The following CD200 variants were observed in gnomAD, a reference collection of about 807,000 sequenced individuals.
CD200 encodes CD200 molecule.
Under a neutral mutation model 30.9 loss-of-function variants are expected in CD200, and 15 were observed. The observed-to-expected ratio is 0.49, with a 90% confidence interval of 0.32 to 0.75. CD200 has a LOEUF of 0.75. Ranked by LOEUF, CD200 falls within the 30% of genes least tolerant of loss-of-function variation. The pLI, the probability that CD200 is intolerant of heterozygous loss-of-function variation, is 0.03. For missense variants in CD200, 262 were observed against 324.2 expected, an observed-to-expected ratio of 0.81 and a Z score of 1.47; for synonymous variants, 134 against 126.2, an observed-to-expected ratio of 1.06 and a Z score of -0.41.
At chr3:112,341,795 T>C (rs1273285154) in intron 2 of CD200, among the ~76,000 whole-genome samples, 1 of 152,202 alleles carries the variant, frequency 6.6e-6, no homozygotes, top group African/African-American at 2.4e-5. Flanking sequence ...GAGTTCCCTT[T>C]CACTCTGCCT....
chr3:112,345,134 C>T lies in CD200; in HGVS notation c.267C>T (p.Ala89=), dbSNP rs1192023319. 1 of 1,613,958 alleles carries T rather than the reference C, an allele frequency of 6.2e-7. No individual in the cohort carries two copies. Among genetic ancestry groups the T allele is most frequent in the Non-Finnish European group, 8.5e-7 (1 of 1,180,000 alleles). The change falls in exon 3 of 6, where the codon GCC becomes GCT. Residue 89 remains alanine, a synonymous_variant. Transcript: ENST00000315711. ...ACCATGGGGTGGTGATCCAGCCTGC[C>T]TATAAGGACAAGATAAACATTACCC... The part of the protein sequence containing the change: ...SENHGVVIQP[A]YKDKINITQL...
At position 112,349,838 on chromosome 3, in the gene CD200, T is replaced by A. The variant is rs141526201; in HGVS notation, c.802+19T>A. 4.2e-3 allele frequency: 6,565 copies of A among 1,580,238 alleles called. 27 individuals are homozygous for A. Among genetic ancestry groups the A allele is most frequent in the Middle Eastern group, 5.4e-3 (32 of 5,924 alleles). On this transcript the variant is annotated intron_variant, in intron 5 of 5. Coordinates refer to ENST00000315711, the MANE Select transcript of CD200 (RefSeq NM_005944.7). ...GACCGAGGTGAGTTGTCACAGGGAG[T>A]TCAAAAAATGACATAAATTAAATTT...
chr3:112,360,117 CA>C (rs1404193190), intron 5 of CD200, among the ~76,000 whole-genome samples: 1 of 152,084 alleles, frequency 6.6e-6, no homozygotes, highest in Non-Finnish European at 1.5e-5. Context: ...CACCTGAGGT[CA>C]GGAGTTCAAG....
chr3:112,357,660 C>T (rs2081653075), intron 5 of CD200, among the ~76,000 whole-genome samples: 1 of 152,120 alleles, frequency 6.6e-6, no homozygotes, highest in African/African-American at 2.4e-5. Context: ...TTCAGGTTAT[C>T]TGAATCTGTT....
chr3:112,335,983 C>T (rs774081724), intron 1 of CD200: 23 of 1,612,542 alleles, frequency 1.4e-5, no homozygotes, highest in Middle Eastern at 3.3e-4. Flanking sequence ...CTTACAGCTA[C>T]ACTCCTAGGA....
At position 112,342,410 on chromosome 3, in the gene CD200, TTTCTTTCTTTCTTTCTTTC is replaced by T. The variant is rs2081286065; in HGVS notation, c.94+1432_94+1450del. On this transcript the variant is annotated intron_variant, in intron 2 of 5. Coordinates refer to ENST00000315711, the MANE Select transcript of CD200 (RefSeq NM_005944.7). Reference sequence around the variant, plus strand: ...CTTTCTTTCTTTCTTTCTTTCTTTCTTTCTTTCTTTCTTTCTTTCTTCTCTCTCTTTCTATGAAATTTCA... The same window carrying T: ...CTTTCTTTCTTTCTTTCTTTCTTTCTTTCTCTCTCTTTCTATGAAATTTCA... 1.2e-4 allele frequency among the ~76,000 whole-genome samples: 9 copies of T among 73,178 alleles called. 1 individual carries two copies. The highest frequency in any genetic ancestry group is 4.7e-4 in the African/African-American group (9 of 19,126). The allele number at this position is 73,178 out of a possible 152,430, so 48.0% of individuals were successfully genotyped here. A position where few individuals can be genotyped will look rare whatever the true frequency, so the allele number is the denominator to read the frequency against.
At chr3:112,334,718 G>A (rs1317244) in intron 1 of CD200, among the ~76,000 whole-genome samples, 54,144 of 151,322 alleles carry the variant, frequency 0.36, 9,837 homozygotes, top group South Asian at 0.48. Flanking sequence ...CAGATTGGTC[G>A]TATTTTCAGT....
chr3:112,344,915 T>C (rs767794409), intron 2 of CD200, 47 bp from the exon 3 acceptor site: 2 of 1,317,440 alleles, frequency 1.5e-6, no homozygotes, highest in Admixed American at 4.3e-5. Flanking sequence ...AAAAAGTGTA[T>C]GTGTGTTACA....
intron 2 of CD200, among the ~76,000 whole-genome samples, chr3:112,342,660 T>G (rs1397768199): frequency 6.6e-6 from 1 of 151,948 alleles, no homozygotes. Flanking sequence ...TGACCTCAAG[T>G]CATCCACTCG....
At chr3:112,333,311 CGG>C (rs2108411717) in intron 1 of CD200, 87 bp downstream of exon 1, 1 of 1,497,592 alleles carries the variant, frequency 6.7e-7, no homozygotes, top group Admixed American at 2.2e-5. Flanking sequence ...GTGGAAGGCG[CGG>C]AGCTTCGGCT....
At chr3:112,351,750 A>T (rs1362094857) in intron 5 of CD200, among the ~76,000 whole-genome samples, 1 of 152,184 alleles carries the variant, frequency 6.6e-6, no homozygotes, top group African/African-American at 2.4e-5. Context: ...TGGGTAATTC[A>T]TAAAGAAAAG....
chr3:112,350,845 T>C (rs1241727891), intron 5 of CD200, among the ~76,000 whole-genome samples: 1 of 152,214 alleles, frequency 6.6e-6, no homozygotes, highest in Non-Finnish European at 1.5e-5. Context: ...TATGTTTTTG[T>C]TCATGTTTCA....
chr3:112,357,764 A>C (rs1247489286), intron 5 of CD200, among the ~76,000 whole-genome samples: 1 of 152,220 alleles, frequency 6.6e-6, no homozygotes, highest in Non-Finnish European at 1.5e-5. Context: ...GAGTTTAAGC[A>C]AAACGGCATG....
chr3:112,342,373 C>A (rs968035406), intron 2 of CD200, among the ~76,000 whole-genome samples: 3 of 37,626 alleles, frequency 8.0e-5, no homozygotes, highest in African/African-American at 2.9e-4. Flanking sequence ...TTCTTTCTTT[C>A]TTTCTTTCTT....
intron 2 of CD200, among the ~76,000 whole-genome samples, chr3:112,341,626 A>G (rs1008536203): frequency 1.3e-5 from 2 of 152,108 alleles, no homozygotes; most frequent in Non-Finnish European, 2.9e-5. Context: ...CCCATCTCCA[A>G]CTCTGGTCCA....
intron 5 of CD200, among the ~76,000 whole-genome samples, chr3:112,361,321 C>T (rs1359730586): frequency 6.6e-6 from 1 of 152,176 alleles, no homozygotes; most frequent in Non-Finnish European, 1.5e-5. Flanking sequence ...ACTGGGCTTA[C>T]AGCCACAAGC....
intron 4 of CD200, among the ~76,000 whole-genome samples, chr3:112,349,201 G>C (rs1451069671): frequency 6.6e-6 from 1 of 152,188 alleles, no homozygotes; most frequent in East Asian, 1.9e-4. Flanking sequence ...TAAAGACATA[G>C]ATAAGAAGAA....
chr3:112,358,252 A>G (rs1389702708), intron 5 of CD200, among the ~76,000 whole-genome samples: 3 of 152,212 alleles, frequency 2.0e-5, no homozygotes, highest in Non-Finnish European at 2.9e-5. Flanking sequence ...GTGGTCCTGG[A>G]TGGGAATCTG....
intron 1 of CD200, chr3:112,335,765 G>A: frequency 1.6e-6 from 1 of 625,112 alleles, no homozygotes; most frequent in South Asian, 1.7e-5. Flanking sequence ...TAGAGTGAAT[G>A]CTGAAGAAGA....
Sources: allele counts gnomAD v4.1 joint callset (sites outside exome capture counted in the v4.1 genomes callset), GRCh38; gene constraint gnomAD v4.1.1; transcripts MANE v1.5; gene names NCBI Gene and HGNC (gene_info 2026-07-23, HGNC 2026-07-21).